IQCJ: variants seen among roughly 807,000 people sequenced by gnomAD.
The protein encoded by IQCJ is IQ domain-containing protein J.
A neutral mutation model predicts 11.0 loss-of-function variants in IQCJ; 9 were observed. The observed-to-expected ratio is 0.82, with a 90% CI of 0.49 to 1.43. The LOEUF (loss-of-function observed/expected upper bound fraction) is 1.43. Ranked by LOEUF, IQCJ falls within the 40% of genes most tolerant of loss-of-function variation. The probability of loss-of-function intolerance (pLI) is 0.00; values close to 1 mark genes in which losing one functional copy is unlikely to be tolerated. For missense variants in IQCJ, 146 were observed against 133.2 expected (o/e 1.10, Z -0.47); for synonymous variants, 55 against 51.3 (o/e 1.07, Z -0.31).
intron 1 of IQCJ, among the ~76,000 whole-genome samples, chr3:159,093,167 C>T (rs1331403300): frequency 6.6e-6 from 1 of 151,846 alleles, no homozygotes; most frequent in African/African-American, 2.4e-5. Flanking sequence ...CTTCTACTCA[C>T]ATCTCAGTCA....
intron 2 of IQCJ, among the ~76,000 whole-genome samples, chr3:159,250,638 G>A (rs1344341939): frequency 1.3e-5 from 2 of 152,274 alleles, no homozygotes; most frequent in Non-Finnish European, 2.9e-5. Context: ...ATTGGGGGAA[G>A]CCCCTTATAA....
intron 1 of IQCJ, among the ~76,000 whole-genome samples, chr3:159,221,820 TA>T (rs59547898): frequency 0.053 from 5,223 of 98,788 alleles, 118 homozygotes; most frequent in African/African-American, 0.11. Context: ...CAAGAAAGAA[TA>T]AAAAAAAAAA....
chr3:159,110,507 C>T (rs1718557897), intron 1 of IQCJ, among the ~76,000 whole-genome samples: 2 of 152,130 alleles, frequency 1.3e-5, no homozygotes, highest in South Asian at 4.2e-4. Flanking sequence ...CATGTCCAAC[C>T]CAGACACAAT....
chr3:159,154,061 C>G (rs1721376771), intron 1 of IQCJ, among the ~76,000 whole-genome samples: 1 of 152,118 alleles, frequency 6.6e-6, no homozygotes, highest in Admixed American at 6.6e-5. Context: ...CTAGGAAGCC[C>G]AACTATTAAA....
chr3:159,108,355 A>G (rs1397532339), intron 1 of IQCJ, among the ~76,000 whole-genome samples: 1 of 152,224 alleles, frequency 6.6e-6, no homozygotes, highest in Non-Finnish European at 1.5e-5. Flanking sequence ...CTCAGCAAAT[A>G]AAGATAGCAT....
chr3:159,069,760 C>A, intron 1 of IQCJ: 1 of 542,436 alleles, frequency 1.8e-6, no homozygotes, highest in Non-Finnish European at 3.5e-6. Flanking sequence ...TCTTACACAA[C>A]AACAGCAAGT....
intron 1 of IQCJ, among the ~76,000 whole-genome samples, chr3:159,157,370 G>T (rs370084511): frequency 5.3e-5 from 8 of 151,940 alleles, no homozygotes; most frequent in African/African-American, 2.4e-5. Context: ...TTCTTTTCTC[G>T]CCTCTTCCCT....
intron 1 of IQCJ, among the ~76,000 whole-genome samples, chr3:159,196,981 C>A (rs1243494835): frequency 6.6e-6 from 1 of 152,098 alleles, no homozygotes; most frequent in Admixed American, 6.5e-5. Flanking sequence ...ACCCACCCCC[C>A]AAAGATGAAA....
At chr3:159,225,707 A>C (rs752913133) in intron 1 of IQCJ, among the ~76,000 whole-genome samples, 1 of 151,746 alleles carries the variant, frequency 6.6e-6, no homozygotes. Context: ...GTGGACACCA[A>C]CTCGGTTCAT....
At chr3:159,177,194 T>TG (rs1382908951) in intron 1 of IQCJ, among the ~76,000 whole-genome samples, 2 of 152,216 alleles carry the variant, frequency 1.3e-5, no homozygotes, top group Non-Finnish European at 1.5e-5. Flanking sequence ...TCCATATCAA[T>TG]GGGGATCTTT....
intron 1 of IQCJ, among the ~76,000 whole-genome samples, chr3:159,218,371 A>G (rs1456292579): frequency 5.5e-5 from 7 of 126,668 alleles, no homozygotes; most frequent in South Asian, 2.4e-4. Flanking sequence ...GTGTGTGTGT[A>G]TAAGAGAAAA....
intron 1 of IQCJ, among the ~76,000 whole-genome samples, chr3:159,186,688 TCTTA>T (rs1202079278): frequency 3.3e-5 from 5 of 152,208 alleles, no homozygotes; most frequent in South Asian, 2.1e-4. Flanking sequence ...TATTGTTCTG[TCTTA>T]CTTTCTTTCT....
chr3:159,075,728 G>T (rs1405041357), intron 1 of IQCJ, among the ~76,000 whole-genome samples: 1 of 152,104 alleles, frequency 6.6e-6, no homozygotes, highest in African/African-American at 2.4e-5. Flanking sequence ...AAACTTTAGG[G>T]AAGCGATCTG....
intron 1 of IQCJ, among the ~76,000 whole-genome samples, chr3:159,103,311 T>C (rs1718047653): frequency 6.6e-6 from 1 of 152,228 alleles, no homozygotes; most frequent in Non-Finnish European, 1.5e-5. Context: ...ACCTGGAGAA[T>C]TACTTCTTTT....
chr3:159,200,224 G>T (rs1724250369), intron 1 of IQCJ, among the ~76,000 whole-genome samples: 1 of 151,224 alleles, frequency 6.6e-6, no homozygotes, highest in South Asian at 2.1e-4. Context: ...ATTCATAGCT[G>T]GTTATTGGCA....
chr3:159,239,262 A>T (rs1198073671), intron 1 of IQCJ, among the ~76,000 whole-genome samples: 1 of 152,218 alleles, frequency 6.6e-6, no homozygotes, highest in Non-Finnish European at 1.5e-5. Context: ...TCAGCAGAGC[A>T]GCTGCTCAGA....
At chr3:159,248,004 T>C (rs1488999762) in intron 2 of IQCJ, among the ~76,000 whole-genome samples, 2 of 152,204 alleles carry the variant, frequency 1.3e-5, no homozygotes, top group East Asian at 3.8e-4. Flanking sequence ...TAAATGACCA[T>C]ACATCTGAAA....
intron 1 of IQCJ, among the ~76,000 whole-genome samples, chr3:159,215,547 GT>G (rs1181786110): frequency 6.6e-6 from 1 of 152,138 alleles, no homozygotes; most frequent in Non-Finnish European, 1.5e-5. Flanking sequence ...CGTTACAACT[GT>G]TTCAAAGAAG....
intron 1 of IQCJ, among the ~76,000 whole-genome samples, chr3:159,170,895 T>C (rs1722451655): frequency 6.6e-6 from 1 of 152,216 alleles, no homozygotes; most frequent in Non-Finnish European, 1.5e-5. Context: ...TAGCTTTCCA[T>C]TCCCAGCTAA....
Sources: allele counts gnomAD v4.1 joint callset (sites outside exome capture counted in the v4.1 genomes callset), GRCh38; gene constraint gnomAD v4.1.1; transcripts MANE v1.5; gene names NCBI Gene and HGNC (gene_info 2026-07-23, HGNC 2026-07-21).